RNF6: variants seen among roughly 807,000 people sequenced by gnomAD.
RNF6 encodes the protein ring finger protein 6.
In RNF6, 21 loss-of-function variants were observed where a neutral mutation model predicts 50.1. The observed-to-expected ratio is 0.42, with a 90% CI of 0.30 to 0.60. The LOEUF (loss-of-function observed/expected upper bound fraction) is 0.60, where lower values mean the gene tolerates loss of function less well. Among genes scored for constraint, RNF6 ranks in the 20% least tolerant of loss-of-function variants. The pLI is 0.20. For synonymous variants in RNF6, 255 were observed against 291.8 expected (o/e 0.87, Z 1.29); for missense variants, 698 against 838.2 (o/e 0.83, Z 2.07).
chr13:26,210,364 T>C (rs577988644), downstream of RNF6, among the ~76,000 whole-genome samples: 93 of 152,346 alleles, frequency 6.1e-4, no homozygotes, highest in Non-Finnish European at 1.2e-3. Context: ...GTTCATTAGA[T>C]GTTCTTGTCT....
chr13:26,160,926 T>C (rs969353577), intron 5 of RNF6, among the ~76,000 whole-genome samples: 1 of 152,168 alleles, frequency 6.6e-6, no homozygotes, highest in Non-Finnish European at 1.5e-5. Flanking sequence ...CCAGTCAGAA[T>C]GGATCGGGGC....
At chr13:26,167,462 C>A (rs763220955) in intron 5 of RNF6, among the ~76,000 whole-genome samples, 1 of 152,128 alleles carries the variant, frequency 6.6e-6, no homozygotes, top group Admixed American at 6.5e-5. Context: ...CTCAATATCG[C>A]TGATAATTAG....
chr13:26,147,500 T>C (rs1871311048), intron 5 of RNF6, among the ~76,000 whole-genome samples: 1 of 152,178 alleles, frequency 6.6e-6, no homozygotes, highest in African/African-American at 2.4e-5. Flanking sequence ...CCACTGGGTG[T>C]GAAGAGGCTG....
In RNF6 at chr13:26,145,448, G is replaced by T. The variant is rs539134216; in HGVS notation, n.769-12997C>A. Among the ~76,000 whole-genome samples the T allele has an allele frequency of 1.4e-3, 172 of 125,818 alleles. 5 individuals carry two copies. Among genetic ancestry groups the T allele is most frequent in the African/African-American group, 5.3e-3 (157 of 29,694 alleles). 82.5% of individuals were successfully genotyped at this position (125,818 alleles called of 152,430 possible). ...CTAGTAGGAGGTGACTGAATCATGGGGAGGGGGGGGGACTTCCCCCTTACT... is the reference window on the plus strand; with the variant it reads ...CTAGTAGGAGGTGACTGAATCATGGTGAGGGGGGGGGACTTCCCCCTTACT... On this transcript the variant is annotated intron_variant and non_coding_transcript_variant, in intron 5 of 5. Transcript: ENST00000468480.
Position 26,186,069 on chromosome 13 carries a change from G to T in RNF6, n.768+29405C>A, listed in dbSNP as rs888482918. On this transcript the variant is annotated intron_variant and non_coding_transcript_variant, in intron 5 of 5. Coordinates refer to the RNF6 transcript ENST00000468480. ...AATGTATGTTTTAACCCTAAAATGCGATAGGGAAGCCAGTCAGACGATTTA... is the reference window on the plus strand; with the variant it reads ...AATGTATGTTTTAACCCTAAAATGCTATAGGGAAGCCAGTCAGACGATTTA... Among the ~76,000 whole-genome samples the T allele has an allele frequency of 2.0e-5, 3 of 152,124 alleles. No homozygotes were observed. In the East Asian group the frequency reaches 5.8e-4, roughly 29 times the overall value.
At chr13:26,136,907 C>A (rs997423870) in intron 5 of RNF6, among the ~76,000 whole-genome samples, 7 of 152,100 alleles carry the variant, frequency 4.6e-5, no homozygotes, top group Admixed American at 3.9e-4. Context: ...ATCCAGGGAG[C>A]TTTTATTCAA....
At chr13:26,161,260 C>T (rs1182936638) in intron 5 of RNF6, among the ~76,000 whole-genome samples, 2 of 152,294 alleles carry the variant, frequency 1.3e-5, no homozygotes, top group South Asian at 2.1e-4. Context: ...TCTGGATTAG[C>T]AAATCCAGTC....
At chr13:26,192,353 A>G (rs1868497874) in intron 5 of RNF6, among the ~76,000 whole-genome samples, 2 of 152,190 alleles carry the variant, frequency 1.3e-5, no homozygotes, top group African/African-American at 2.4e-5. Flanking sequence ...GGCAAAGCCA[A>G]TAGAATTTGC....
chr13:26,187,900 T>A (rs893667057), intron 5 of RNF6, among the ~76,000 whole-genome samples: 1 of 152,166 alleles, frequency 6.6e-6, no homozygotes, highest in Non-Finnish European at 1.5e-5. Context: ...CTAGCTCTAT[T>A]TGAGACCACA....
intron 2 of RNF6, 120 bp from the exon 3 acceptor site, chr13:26,219,787 T>G: frequency 1.3e-6 from 1 of 796,128 alleles, no homozygotes; most frequent in Non-Finnish European, 2.0e-6. Context: ...AATACTGTAT[T>G]TGCCAAATCT....
At chr13:26,205,752 G>A (rs991084476) in intron 5 of RNF6, among the ~76,000 whole-genome samples, 6 of 152,214 alleles carry the variant, frequency 3.9e-5, no homozygotes, top group South Asian at 2.1e-4. Context: ...AGTGGCTTAC[G>A]CCTGTAATCC....
chr13:26,205,977 C>T (rs1222967246), intron 5 of RNF6, among the ~76,000 whole-genome samples: 2 of 152,154 alleles, frequency 1.3e-5, no homozygotes, highest in African/African-American at 4.8e-5. Context: ...TGTGCCACTG[C>T]ACTCCAGCCT....
intron 5 of RNF6, among the ~76,000 whole-genome samples, chr13:26,166,261 G>A (rs1044703709): frequency 4.6e-5 from 7 of 152,204 alleles, no homozygotes; most frequent in African/African-American, 1.7e-4. Context: ...GGAACTGTAA[G>A]TCCAATAAAC....
At chr13:26,199,022 G>T (rs147050409) in intron 5 of RNF6, among the ~76,000 whole-genome samples, 161 of 151,930 alleles carry the variant, frequency 1.1e-3, no homozygotes, top group Non-Finnish European at 1.1e-3. Context: ...TAGGTTAGAA[G>T]ATTCAATATT....
At position 26,186,399 on chromosome 13, in the gene RNF6, CT is replaced by C. The variant is rs567258782; in HGVS notation, n.768+29074del. ...AAGGCTGTCCCGCGGCAGGAACGCGCTCGTTGGGCCGCAGAGCAAGAGCGGG... is the reference window on the plus strand; with the variant it reads ...AAGGCTGTCCCGCGGCAGGAACGCGCCGTTGGGCCGCAGAGCAAGAGCGGG... On this transcript the variant is annotated intron_variant and non_coding_transcript_variant, in intron 5 of 5. Transcript: ENST00000468480. Among the ~76,000 whole-genome samples, 53 of 152,352 alleles carry C rather than the reference CT, an allele frequency of 3.5e-4. No homozygotes were observed. The East Asian group carries it at 9.7e-3, about 28-fold the overall frequency.
intron 5 of RNF6, among the ~76,000 whole-genome samples, chr13:26,163,685 G>C (rs569624717): frequency 2.1e-4 from 32 of 152,190 alleles, no homozygotes; most frequent in African/African-American, 7.7e-4. Context: ...TCTGTTCTAG[G>C]TAATCTGAGA....
downstream of RNF6, among the ~76,000 whole-genome samples, chr13:26,209,138 A>G (rs1324680551): frequency 6.6e-6 from 1 of 152,176 alleles, no homozygotes; most frequent in Non-Finnish European, 1.5e-5. Flanking sequence ...CTGTATAGAG[A>G]CCTGTGACTG....
intron 5 of RNF6, among the ~76,000 whole-genome samples, chr13:26,137,851 C>T (rs532617485): frequency 1.3e-5 from 2 of 151,842 alleles, no homozygotes; most frequent in African/African-American, 2.4e-5. Context: ...GTCTTAGAGA[C>T]CTATGAGACA....
At chr13:26,137,171 A>G (rs1470465535) in intron 5 of RNF6, among the ~76,000 whole-genome samples, 1 of 152,256 alleles carries the variant, frequency 6.6e-6, no homozygotes, top group East Asian at 1.9e-4. Context: ...ACTAAAGCTT[A>G]CCCAGTGCTC....
Sources: allele counts gnomAD v4.1 joint callset (sites outside exome capture counted in the v4.1 genomes callset), GRCh38; gene constraint gnomAD v4.1.1; transcripts MANE v1.5; gene names NCBI Gene and HGNC (gene_info 2026-07-23, HGNC 2026-07-21).